VSNL1: variants seen among roughly 807,000 people sequenced by gnomAD.
VSNL1 encodes visinin like 1.
Under a neutral mutation model 20.4 loss-of-function variants are expected in VSNL1, and 6 were observed. The ratio of observed to expected loss-of-function variants is 0.29; its 90% CI spans 0.16 to 0.58. The LOEUF (loss-of-function observed/expected upper bound fraction) is 0.58, where lower values mean the gene tolerates loss of function less well. VSNL1 is among the 20% of genes least tolerant of loss of function. VSNL1 has a pLI of 0.90. For synonymous variants in VSNL1, 93 were observed against 86.4 expected, an observed-to-expected ratio of 1.08 and a Z score of -0.42; for missense variants, 100 against 234.5, an observed-to-expected ratio of 0.43 and a Z score of 3.75.
At chr2:17,622,497 CA>C (rs34239828) in intron 2 of VSNL1, among the ~76,000 whole-genome samples, 1,154 of 60,388 alleles carry the variant, frequency 0.019, 14 homozygotes, top group South Asian at 0.052. Context: ...GGCTACATCT[CA>C]AAAAAAAAAA....
chr2:17,629,730 A>G (rs1572209812), intron 2 of VSNL1, among the ~76,000 whole-genome samples: 1 of 152,238 alleles, frequency 6.6e-6, no homozygotes, highest in East Asian at 1.9e-4. Context: ...TTGTACCCGC[A>G]TTCAACAATT....
chr2:17,615,337 A>T (rs1193786546), intron 2 of VSNL1, among the ~76,000 whole-genome samples: 1 of 152,136 alleles, frequency 6.6e-6, no homozygotes, highest in Non-Finnish European at 1.5e-5. Context: ...ATCATTTTTT[A>T]AAAATATTTT....
chr2:17,604,241 T>G (rs1664895451), intron 2 of VSNL1, among the ~76,000 whole-genome samples: 1 of 152,354 alleles, frequency 6.6e-6, no homozygotes, highest in Admixed American at 6.5e-5. Flanking sequence ...CTCCTTGCAC[T>G]GAGCAGGTGA....
intron 2 of VSNL1, among the ~76,000 whole-genome samples, chr2:17,633,158 G>C (rs922594478): frequency 2.0e-5 from 3 of 152,092 alleles, no homozygotes; most frequent in African/African-American, 7.2e-5. Context: ...GAGAGAGCTT[G>C]TACAGGGGAA....
intron 2 of VSNL1, among the ~76,000 whole-genome samples, chr2:17,612,339 C>T (rs979926233): frequency 7.2e-5 from 11 of 152,200 alleles, no homozygotes; most frequent in Non-Finnish European, 1.5e-4. Flanking sequence ...AGCCCCCCTC[C>T]CTAAGTGCTC....
Position 17,649,370 on chromosome 2 carries a change from T to A in VSNL1, c.163-40T>A. 1.2e-6 allele frequency: 2 copies of A among 1,602,170 alleles called. No individual in the cohort carries two copies. Among genetic ancestry groups the A allele is most frequent in the South Asian group, 2.2e-5 (2 of 90,802 alleles). On this transcript the variant is annotated intron_variant, in intron 2 of 3. Coordinates refer to ENST00000295156, the MANE Select transcript of VSNL1 (RefSeq NM_003385.5). The surrounding 1 kb of genome is among the most constrained non-coding windows in gnomAD (Gnocchi z 6.4). ...AACCTACCTCGTCGCCCCGATTCCA[T>A]CCCCTCCCGACACCTGACTGCGCGT...
intron 2 of VSNL1, among the ~76,000 whole-genome samples, chr2:17,612,319 C>T (rs969931812): frequency 9.2e-5 from 14 of 152,194 alleles, no homozygotes; most frequent in African/African-American, 3.4e-4. Flanking sequence ...AGCAAAGCTG[C>T]TGAGCAGGGA....
At chr2:17,585,053 A>T (rs2103369002) in intron 1 of VSNL1, among the ~76,000 whole-genome samples, 2 of 152,184 alleles carry the variant, frequency 1.3e-5, no homozygotes, top group South Asian at 4.2e-4. Flanking sequence ...CACTTATTAT[A>T]GATTAAAAAA....
At chr2:17,573,333 A>G (rs1025301562) in intron 1 of VSNL1, among the ~76,000 whole-genome samples, 1 of 152,218 alleles carries the variant, frequency 6.6e-6, no homozygotes, top group African/African-American at 2.4e-5. Context: ...TTCAGGCATC[A>G]GTAAGGCATT....
At position 17,649,591 on chromosome 2, in the gene VSNL1, A is replaced by C; in HGVS notation, c.344A>C (p.Lys115Thr). Reference protein sequence around the residue: ...FNMYDLDGDGKITRVEMLEII... With the variant: ...FNMYDLDGDGTITRVEMLEII... ...ATGTATGACCTGGATGGTGATGGCAAGATCACCCGAGTGGAGATGCTGGAG... is the reference window on the plus strand; with the variant it reads ...ATGTATGACCTGGATGGTGATGGCACGATCACCCGAGTGGAGATGCTGGAG... The change falls in exon 3 of 4, where the codon AAG becomes ACG. Residue 115 changes from lysine (K) to threonine (T), a missense_variant. By Grantham distance (78) the Lys-to-Thr change is moderately conservative. Coordinates refer to ENST00000295156, the MANE Select transcript of VSNL1 (RefSeq NM_003385.5). The surrounding 1 kb of genome is among the most constrained non-coding windows in gnomAD (Gnocchi z 6.4). 6.2e-7 allele frequency: 1 copy of C among 1,614,170 alleles called. No individual in the cohort carries two copies. The highest frequency in any genetic ancestry group is 1.1e-5 in the South Asian group (1 of 91,078).
At chr2:17,576,555 C>A (rs1192152361) in intron 1 of VSNL1, among the ~76,000 whole-genome samples, 1 of 152,058 alleles carries the variant, frequency 6.6e-6, no homozygotes, top group Non-Finnish European at 1.5e-5. Context: ...ATATTTTGTT[C>A]ATATTCTATT....
intron 2 of VSNL1, among the ~76,000 whole-genome samples, chr2:17,643,883 G>A (rs1482438493): frequency 6.6e-6 from 1 of 152,162 alleles, no homozygotes; most frequent in African/African-American, 2.4e-5. Context: ...AAGGCCCCAG[G>A]GAGTGAAAGC....
intron 1 of VSNL1, among the ~76,000 whole-genome samples, chr2:17,543,167 C>T (rs543758061): frequency 3.2e-4 from 48 of 152,074 alleles, no homozygotes; most frequent in Middle Eastern, 3.4e-3. Flanking sequence ...TTTTTATTGC[C>T]CCTCACCTCT....
At chr2:17,570,426 A>G (rs145137172) in intron 1 of VSNL1, among the ~76,000 whole-genome samples, 86 of 152,316 alleles carry the variant, frequency 5.6e-4, no homozygotes, top group African/African-American at 1.9e-3. Context: ...CCATTATGAA[A>G]TACCTGAAAA....
intron 2 of VSNL1, among the ~76,000 whole-genome samples, chr2:17,614,474 C>T (rs1665169268): frequency 6.6e-6 from 1 of 152,244 alleles, no homozygotes; most frequent in African/African-American, 2.4e-5. Context: ...TTAGCAGTCA[C>T]AGGGAAGCCA....
At chr2:17,580,170 T>G (rs1393592385) in intron 1 of VSNL1, among the ~76,000 whole-genome samples, 2 of 152,164 alleles carry the variant, frequency 1.3e-5, no homozygotes, top group East Asian at 3.9e-4. Context: ...CATATTCAAA[T>G]TCAAAAAATA....
chr2:17,548,236 A>G (rs1663445525), intron 1 of VSNL1, among the ~76,000 whole-genome samples: 1 of 151,468 alleles, frequency 6.6e-6, no homozygotes, highest in Non-Finnish European at 1.5e-5. Context: ...ATCAAATCCA[A>G]AGTGACCTTA....
intron 2 of VSNL1, among the ~76,000 whole-genome samples, chr2:17,623,380 G>A (rs191409062): frequency 6.6e-6 from 1 of 152,118 alleles, no homozygotes; most frequent in African/African-American, 2.4e-5. Flanking sequence ...TTAAATCAGA[G>A]CAACCCCGGC....
intron 2 of VSNL1, among the ~76,000 whole-genome samples, chr2:17,609,803 T>G (rs868265103): frequency 6.6e-6 from 1 of 152,242 alleles, no homozygotes; most frequent in South Asian, 2.1e-4. Flanking sequence ...TCACTTCATA[T>G]GCTGTAGGTG....
Sources: gnomAD v4.1 joint callset for allele counts (sites outside exome capture counted in the v4.1 genomes callset) on GRCh38, gnomAD v4.1.1 for gene constraint, Gnocchi (gnomAD v3.1) non-coding constraint, MANE v1.5 for transcripts, NCBI Gene and HGNC (gene_info 2026-07-23, HGNC 2026-07-21) for gene names.